Variants in SLC2A9 observed in about 807,000 individuals in gnomAD.
SLC2A9 encodes solute carrier family 2 member 9.
A neutral mutation model predicts 50.6 loss-of-function variants in SLC2A9; 39 were observed. The ratio of observed to expected loss-of-function variants is 0.77; its 90% confidence interval spans 0.60 to 1.01. The LOEUF (loss-of-function observed/expected upper bound fraction) is 1.01. Among genes scored for constraint, SLC2A9 ranks in the 50% least tolerant of loss-of-function variants. The pLI, the probability that SLC2A9 is intolerant of heterozygous loss-of-function variation, is 0.00. For missense variants in SLC2A9, 686 were observed against 677.6 expected, an observed-to-expected ratio of 1.01 and a Z score of -0.14; for synonymous variants, 324 against 276.9, an observed-to-expected ratio of 1.17 and a Z score of -1.69.
At chr4:9,828,342 T>G (rs1173843369) in intron 11 of SLC2A9, among the ~76,000 whole-genome samples, 2 of 152,240 alleles carry the variant, frequency 1.3e-5, no homozygotes, top group Admixed American at 6.5e-5. Context: ...CTGATTTCCC[T>G]GCTTTTCACT....
intron 5 of SLC2A9, among the ~76,000 whole-genome samples, chr4:9,946,839 C>T (rs1749269348): frequency 6.6e-6 from 1 of 152,200 alleles, no homozygotes. Context: ...ATTCTAGGGG[C>T]TCATGTCTTT....
chr4:9,947,722 C>T (rs1005078605), intron 5 of SLC2A9, among the ~76,000 whole-genome samples: 2 of 152,156 alleles, frequency 1.3e-5, no homozygotes, highest in Non-Finnish European at 2.9e-5. Context: ...GCCAACATTT[C>T]CCCTCCCACA....
chr4:9,934,858 C>T (rs1746776854), intron 6 of SLC2A9, among the ~76,000 whole-genome samples: 1 of 152,172 alleles, frequency 6.6e-6, no homozygotes, highest in African/African-American at 2.4e-5. Context: ...CTCCCTGTGT[C>T]CATATGTTCT....
intron 8 of SLC2A9, among the ~76,000 whole-genome samples, chr4:9,901,806 C>A (rs1739684818): frequency 6.6e-6 from 1 of 152,206 alleles, no homozygotes; most frequent in South Asian, 2.1e-4. Context: ...CTCAAATCAA[C>A]AAGCTCCCTG....
chr4:9,904,653 C>T (rs1191889930), intron 8 of SLC2A9, among the ~76,000 whole-genome samples: 1 of 152,186 alleles, frequency 6.6e-6, no homozygotes, highest in East Asian at 1.9e-4. Flanking sequence ...GTCCATTTTA[C>T]AGATGAGCAA....
chr4:9,929,182 C>A (rs1377059292), intron 6 of SLC2A9, among the ~76,000 whole-genome samples: 1 of 152,204 alleles, frequency 6.6e-6, no homozygotes, highest in African/African-American at 2.4e-5. Flanking sequence ...ATAACTATCC[C>A]CTGAAGTAGA....
At chr4:9,855,341 G>T (rs1397542298) in intron 10 of SLC2A9, among the ~76,000 whole-genome samples, 2 of 152,120 alleles carry the variant, frequency 1.3e-5, no homozygotes, top group Admixed American at 6.6e-5. Context: ...ACAAGATCAA[G>T]AATTCAGTCC....
At chr4:9,953,208 C>G (rs1750623911) in intron 5 of SLC2A9, among the ~76,000 whole-genome samples, 1 of 145,590 alleles carries the variant, frequency 6.9e-6, no homozygotes, top group Non-Finnish European at 1.5e-5. Flanking sequence ...TTCCAAATAC[C>G]CACTGAACCC....
chr4:9,826,728 G>A, intron 11 of SLC2A9, 128 bp from the exon 12 acceptor site: 1 of 856,464 alleles, frequency 1.2e-6, no homozygotes, highest in Non-Finnish European at 1.9e-6. Context: ...AACACCATGT[G>A]TGATGCTGGC....
rs117318662 is a variant in SLC2A9 at position 9,897,594 on chromosome 4, A to G, written c.1114-6883T>C. On this transcript the variant is annotated intron_variant, in intron 8 of 11. Transcript: ENST00000264784. ...GTCCTTGAGCCAATGGAAAAGGGAA[A>G]GTGTGGACACGGAGACAGACACGCA... 7.6e-4 allele frequency among the ~76,000 whole-genome samples: 115 copies of G among 152,310 alleles called. No individual in the cohort carries two copies. In the East Asian group the frequency reaches 0.014, roughly 19 times the overall value.
At chr4:10,003,906 A>T (rs1284619234) in intron 2 of SLC2A9, among the ~76,000 whole-genome samples, 2 of 152,256 alleles carry the variant, frequency 1.3e-5, no homozygotes, top group African/African-American at 4.8e-5. Flanking sequence ...CTCACTTCTT[A>T]CCCTCCACAA....
At chr4:9,797,477 T>A (rs1720731199), downstream of SLC2A9, among the ~76,000 whole-genome samples, 1 of 152,152 alleles carries the variant, frequency 6.6e-6, no homozygotes, top group African/African-American at 2.4e-5. Context: ...AACTCTCATA[T>A]CTTGGCAGGA....
chr4:9,931,608 T>C (rs1745938309), intron 6 of SLC2A9, among the ~76,000 whole-genome samples: 1 of 152,108 alleles, frequency 6.6e-6, no homozygotes, highest in African/African-American at 2.4e-5. Context: ...GCCCAGGTAA[T>C]AGTGAGGAGT....
At chr4:9,774,353 T>G (rs112183422) in intron 1 of SLC2A9, among the ~76,000 whole-genome samples, 72 of 152,302 alleles carry the variant, frequency 4.7e-4, no homozygotes, top group Non-Finnish European at 9.8e-4. Flanking sequence ...GTTCTAAAAA[T>G]GTATCCTTTC....
intron 1 of SLC2A9, among the ~76,000 whole-genome samples, chr4:10,031,742 C>A (rs145091939): frequency 6.6e-6 from 1 of 152,346 alleles, no homozygotes; most frequent in Non-Finnish European, 1.5e-5. Flanking sequence ...GAAACCGAGA[C>A]TGAGTGAAGC....
intron 3 of SLC2A9, among the ~76,000 whole-genome samples, chr4:9,996,416 C>A (rs978255429): frequency 6.6e-6 from 1 of 152,230 alleles, no homozygotes; most frequent in Non-Finnish European, 1.5e-5. Context: ...TGGATGGCAA[C>A]ATGACTTCCT....
chr4:9,979,226 C>T (rs1019263268), intron 5 of SLC2A9, among the ~76,000 whole-genome samples: 3 of 152,152 alleles, frequency 2.0e-5, no homozygotes, highest in African/African-American at 4.8e-5. Flanking sequence ...TCTCTGCTTG[C>T]GTCCAAGGCT....
At chr4:10,003,574 A>G (rs1309725032) in intron 2 of SLC2A9, among the ~76,000 whole-genome samples, 8 of 152,274 alleles carry the variant, frequency 5.3e-5, no homozygotes, top group African/African-American at 1.7e-4. Flanking sequence ...GTTTGCCCCA[A>G]TGCTTTTGGC....
At chr4:9,994,564 CTTTT>C (rs35574155) in intron 3 of SLC2A9, among the ~76,000 whole-genome samples, 17 of 131,824 alleles carry the variant, frequency 1.3e-4, no homozygotes, top group Non-Finnish European at 1.7e-4. Flanking sequence ...TTTCCTTTTC[CTTTT>C]TTTTTTTTTT....
Sources: gnomAD v4.1 joint callset for allele counts (sites outside exome capture counted in the v4.1 genomes callset) on GRCh38, gnomAD v4.1.1 for gene constraint, MANE v1.5 for transcripts, NCBI Gene and HGNC (gene_info 2026-07-23, HGNC 2026-07-21) for gene names.